Variants in LAMA3 observed in about 807,000 individuals in gnomAD.
LAMA3 encodes laminin subunit alpha-3.
Under a neutral mutation model 402.0 loss-of-function variants are expected in LAMA3, and 281 were observed. The observed-to-expected ratio is 0.70, with a 90% CI of 0.63 to 0.77. LAMA3 has a LOEUF of 0.77. LAMA3 is among the 30% of genes least tolerant of loss of function. The pLI is 0.00. For synonymous variants in LAMA3, 1,431 were observed against 1,558.4 expected, an observed-to-expected ratio of 0.92 and a Z score of 1.93; for missense variants, 3,840 against 4,215.5, an observed-to-expected ratio of 0.91 and a Z score of 2.47.
chr18:23,797,234 C>G (rs761297399), intron 12 of LAMA3, among the ~76,000 whole-genome samples: 3 of 151,904 alleles, frequency 2.0e-5, no homozygotes, highest in Admixed American at 6.6e-5. Flanking sequence ...TCTGTGATGG[C>G]CTTCCTTGTC....
chr18:23,827,639 G>A (rs192197245), intron 23 of LAMA3, among the ~76,000 whole-genome samples, 172 bp downstream of exon 23: 32 of 152,272 alleles, frequency 2.1e-4, no homozygotes, highest in East Asian at 5.8e-4. Context: ...TGGATGGTAC[G>A]CTACATGGAG....
intron 35 of LAMA3, among the ~76,000 whole-genome samples, chr18:23,864,027 T>A (rs888414710): frequency 2.0e-5 from 3 of 152,146 alleles, no homozygotes; most frequent in African/African-American, 7.2e-5. Context: ...AGGAGAATTG[T>A]TTTTGGAGAA....
At chr18:23,938,094 G>A (rs935910257) in intron 67 of LAMA3, among the ~76,000 whole-genome samples, 2 of 152,150 alleles carry the variant, frequency 1.3e-5, no homozygotes, top group Non-Finnish European at 2.9e-5. Flanking sequence ...GGGTGCTTCT[G>A]GGAATCACAT....
intron 67 of LAMA3, among the ~76,000 whole-genome samples, chr18:23,937,627 A>T (rs1391257695): frequency 6.6e-6 from 1 of 152,106 alleles, no homozygotes; most frequent in Admixed American, 6.6e-5. Flanking sequence ...TGTCTTTCAA[A>T]ACTGTTCATC....
intron 15 of LAMA3, 73 bp downstream of exon 15, chr18:23,814,575 C>T (rs1013679606): frequency 1.1e-6 from 1 of 937,568 alleles, no homozygotes; most frequent in Non-Finnish European, 1.7e-6. Flanking sequence ...GTGACTAAAT[C>T]CACAAAAGAG....
intron 12 of LAMA3, among the ~76,000 whole-genome samples, chr18:23,792,117 A>T (rs931768924): frequency 6.6e-6 from 1 of 152,126 alleles, no homozygotes; most frequent in African/African-American, 2.4e-5. Flanking sequence ...GAGGGGGTGG[A>T]TATCTATGGA....
At chr18:23,897,868 A>G (rs551732067) in intron 44 of LAMA3, among the ~76,000 whole-genome samples, 1 of 152,318 alleles carries the variant, frequency 6.6e-6, no homozygotes, top group Non-Finnish European at 1.5e-5. Flanking sequence ...CTTATCACCA[A>G]AACCAACCCT....
intron 12 of LAMA3, among the ~76,000 whole-genome samples, chr18:23,791,605 A>T (rs2062655914): frequency 6.6e-6 from 1 of 151,968 alleles, no homozygotes; most frequent in Non-Finnish European, 1.5e-5. Context: ...ATCGTGGTGC[A>T]TGCCTGTATT....
chr18:23,858,772 C>T lies in LAMA3; in HGVS notation c.4365C>T (p.Ser1455=). The change falls in exon 34 of 75, where the codon AGC becomes AGT. Residue 1455 remains serine (S), a synonymous_variant. Coordinates refer to ENST00000313654, the MANE Select transcript of LAMA3 (RefSeq NM_198129.4). The part of the protein sequence containing the change: ...LDPANLKGCT[S]CFCFGVNNQC... ...CAGCCAATCTCAAGGGTTGTACCAG[C>T]TGTTTCTGTTTTGGAGTAAATAATC... 1 of 1,614,076 alleles carries T rather than the reference C, an allele frequency of 6.2e-7. No individual in the cohort carries two copies. The highest frequency in any genetic ancestry group is 8.5e-7 in the Non-Finnish European group (1 of 1,179,926).
chr18:23,690,372 A>G (rs975298331), intron 1 of LAMA3, among the ~76,000 whole-genome samples: 1 of 152,232 alleles, frequency 6.6e-6, no homozygotes, highest in African/African-American at 2.4e-5. Context: ...CCCGGGCCTT[A>G]TTCGGAGAAG....
At position 23,819,909 on chromosome 18, in the gene LAMA3, C is replaced by T; in HGVS notation, c.2216C>T (p.Pro739Leu). The change falls in exon 19 of 75, where the codon CCT (proline) becomes CTT (leucine). Residue 739 changes from proline (P) to leucine (L), a missense_variant. This residue lies in a region of LAMA3 where 2,109 missense variants were observed against 2,376.0 expected (regional missense o/e 0.89). Transcript: ENST00000313654. The stretch of plus-strand genomic sequence containing the variant: ...TATGAGATTGAAGACGGCAGCACAC[C>T]TAATGGGAGAGACCTTCGATTTGGA... ...MKYEIEDGST[P>L]NGRDLRFGFD... The T allele has an allele frequency of 6.2e-7, 1 of 1,614,038 alleles. No individual in the cohort carries two copies. Among genetic ancestry groups the T allele is most frequent in the Non-Finnish European group, 8.5e-7 (1 of 1,179,954 alleles).
chr18:23,734,647 T>C (rs1014744757), intron 2 of LAMA3, among the ~76,000 whole-genome samples: 1 of 152,222 alleles, frequency 6.6e-6, no homozygotes, highest in Non-Finnish European at 1.5e-5. Context: ...GATTTCCTTT[T>C]AGAACTCCAT....
chr18:23,717,719 AAT>A (rs1300540919), intron 2 of LAMA3, among the ~76,000 whole-genome samples: 3,997 of 116,406 alleles, frequency 0.034, 776 homozygotes, highest in Admixed American at 0.11. Flanking sequence ...TGCCTGGCTA[AAT>A]TTTTTTTTTT....
At chr18:23,713,712 G>A (rs1004055333) in intron 1 of LAMA3, among the ~76,000 whole-genome samples, 3 of 152,032 alleles carry the variant, frequency 2.0e-5, no homozygotes, top group Non-Finnish European at 2.9e-5. Flanking sequence ...GGCATAAATC[G>A]GTGATAAGGT....
At chr18:23,777,417 A>G in intron 10 of LAMA3, 140 bp from the exon 11 acceptor site, 1 of 667,452 alleles carries the variant, frequency 1.5e-6, no homozygotes, top group South Asian at 1.8e-5. Context: ...ATATAGCAAT[A>G]TCGCCTTTCT....
intron 20 of LAMA3, among the ~76,000 whole-genome samples, chr18:23,822,728 C>T (rs773223764): frequency 6.6e-6 from 1 of 152,200 alleles, no homozygotes; most frequent in Non-Finnish European, 1.5e-5. Context: ...GAGATTTTGG[C>T]CCGCTGCCCT....
chr18:23,883,633 CTT>C (rs997153312), intron 40 of LAMA3, among the ~76,000 whole-genome samples: 5 of 152,212 alleles, frequency 3.3e-5, no homozygotes, highest in African/African-American at 9.7e-5. Flanking sequence ...CTGTCTATGT[CTT>C]TGATGCTCGT....
Position 23,939,353 on chromosome 18 carries a change from T to A in LAMA3, c.8993T>A (p.Leu2998Gln). 1 of 1,614,244 alleles carries A rather than the reference T, an allele frequency of 6.2e-7. No homozygotes were observed. The highest frequency in any genetic ancestry group is 1.1e-5 in the South Asian group (1 of 91,086). Residue 2998 changes from leucine to glutamine, a missense_variant, in exon 68 of 75, where the codon CTA becomes CAA. This residue lies in a region of LAMA3 where 840 missense variants were observed against 981.9 expected (regional missense o/e 0.86). Transcript: ENST00000313654. ...QFGDIPTSHL[L>Q]FKLPQELLKP... ...GGGGACATTCCCACCAGCCACTTGCTATTCAAGCTTCCTCAGGAGCTGCTG... is the reference window on the plus strand; with the variant it reads ...GGGGACATTCCCACCAGCCACTTGCAATTCAAGCTTCCTCAGGAGCTGCTG...
chr18:23,907,734 T>C (rs2081295989), intron 53 of LAMA3, 22 bp from the exon 54 acceptor site: 1 of 1,613,940 alleles, frequency 6.2e-7, no homozygotes, highest in Non-Finnish European at 8.5e-7. Flanking sequence ...TACTTATACC[T>C]CCCTATCTGT....
Sources: gnomAD v4.1 joint callset for allele counts (sites outside exome capture counted in the v4.1 genomes callset) on GRCh38, gnomAD v4.1.1 for gene constraint, gnomAD v4.1.1 regional missense constraint, MANE v1.5 for transcripts, NCBI Gene and HGNC (gene_info 2026-07-23, HGNC 2026-07-21) for gene names.